The following USP20 variants were observed in gnomAD, a reference collection of about 807,000 sequenced individuals.
USP20 encodes the protein ubiquitin specific peptidase 20.
USP20 carries 80 observed loss-of-function variants against 124.2 expected under a neutral mutation model. The ratio of observed to expected loss-of-function variants is 0.64; its 90% confidence interval spans 0.54 to 0.78. The LOEUF (loss-of-function observed/expected upper bound fraction) is 0.78, where lower values mean the gene tolerates loss of function less well. Among genes scored for constraint, USP20 ranks in the 30% least tolerant of loss-of-function variants. The pLI is 0.00. For synonymous variants in USP20, 481 were observed against 512.3 expected (o/e 0.94, Z 0.83); for missense variants, 1,043 against 1,244.4 (o/e 0.84, Z 2.44).
Position 129,874,931 on chromosome 9 carries a change from C to CA in USP20, c.2024_2025insA (p.Glu676ArgfsTer169). The CA allele has an allele frequency of 6.2e-7, 1 of 1,613,976 alleles. No individual in the cohort carries two copies. Among genetic ancestry groups the CA allele is most frequent in the Non-Finnish European group, 8.5e-7 (1 of 1,180,006 alleles). On this transcript the variant is annotated frameshift_variant, in exon 19 of 26. Coordinates refer to ENST00000372429, the MANE Select transcript of USP20 (RefSeq NM_001110303.4). LOFTEE classifies it high-confidence loss of function. ...GTCCACGAGACGGTGGTGCAGAACG[C>CA]CGAGGGCTACGTACTCTTCTACAGG...
intron 8 of USP20, among the ~76,000 whole-genome samples, chr9:129,862,699 A>C (rs925315434): frequency 1.3e-5 from 2 of 152,134 alleles, no homozygotes; most frequent in Non-Finnish European, 2.9e-5. Context: ...TGAGGTCAGG[A>C]GTTCAAGACC....
chr9:129,873,668 A>AC, intron 16 of USP20, 31 bp from the exon 17 acceptor site: 2 of 1,613,672 alleles, frequency 1.2e-6, no homozygotes, highest in Non-Finnish European at 1.7e-6. Context: ...CTGATGCCGG[A>AC]CACTGATGCT....
At chr9:129,843,718 CAA>C (rs989267575) in intron 1 of USP20, among the ~76,000 whole-genome samples, 6 of 152,092 alleles carry the variant, frequency 3.9e-5, no homozygotes, top group South Asian at 4.2e-4. Flanking sequence ...GCCTGGGTAA[CAA>C]GAGTGAAAAC....
chr9:129,869,041 G>A (rs1379058249), intron 12 of USP20, 39 bp downstream of exon 12: 1 of 1,574,248 alleles, frequency 6.4e-7, no homozygotes, highest in Non-Finnish European at 8.6e-7. Flanking sequence ...CTTGAGGCTG[G>A]GAGTACAGAT....
At chr9:129,866,248 C>T (rs1226318614) in intron 10 of USP20, among the ~76,000 whole-genome samples, 1 of 152,152 alleles carries the variant, frequency 6.6e-6, no homozygotes, top group African/African-American at 2.4e-5. Context: ...CCTGCTGTCC[C>T]GTCCCAGGAT....
chr9:129,849,502 T>C (rs1414687022), intron 1 of USP20, among the ~76,000 whole-genome samples: 1 of 152,206 alleles, frequency 6.6e-6, no homozygotes, highest in Non-Finnish European at 1.5e-5. Flanking sequence ...CTCACGCCTA[T>C]AATCTCAGCA....
At chr9:129,871,841 C>T (rs4837421) in intron 15 of USP20, among the ~76,000 whole-genome samples, 129,234 of 151,660 alleles carry the variant, frequency 0.85, 55,914 homozygotes, top group East Asian at 1. Context: ...CTCAGCCTCC[C>T]GAGTAGCTGG....
chr9:129,874,887 T>A lies in USP20; in HGVS notation c.1980T>A (p.Asp660Glu). Residue 660 changes from aspartate (D) to glutamate (E), a missense_variant, in exon 19 of 26, where the codon GAT (aspartate) becomes GAA (glutamate). By Grantham distance (45) the Asp-to-Glu change is conservative. Transcript: ENST00000372429. ...TCAATGGGCAGTGGTACGAGTTTGA[T>A]GACCAGTACGTCACAGAAGTCCACG... ...NVINGQWYEF[D>E]DQYVTEVHET... 5 of 1,614,132 alleles carry A rather than the reference T, an allele frequency of 3.1e-6. No individual in the cohort carries two copies. The highest frequency in any genetic ancestry group is 4.2e-6 in the Non-Finnish European group (5 of 1,180,032).
chr9:129,868,947 C>A lies in USP20; in HGVS notation c.1221C>A (p.Ser407Arg), dbSNP rs1229829973. The change falls in exon 12 of 26, where the codon AGC becomes AGA. Residue 407 changes from serine (S) to arginine (R), a missense_variant. By Grantham distance (110) the Ser-to-Arg change is moderately radical (BLOSUM62 -1). Coordinates refer to ENST00000372429, the MANE Select transcript of USP20 (RefSeq NM_001110303.4). Reference sequence around the variant, plus strand: ...ACGAGGGCCATGCCAAGCTGTCTAGCAGCCCCCCTCGTGCAAGCCCCGTGA... The same window carrying A: ...ACGAGGGCCATGCCAAGCTGTCTAGAAGCCCCCCTCGTGCAAGCCCCGTGA... ...HHHEGHAKLS[S>R]SPPRASPVRM... The A allele has an allele frequency of 6.2e-7, 1 of 1,612,878 alleles. No homozygotes were observed. Among genetic ancestry groups the A allele is most frequent in the South Asian group, 1.1e-5 (1 of 90,928 alleles).
intron 6 of USP20, among the ~76,000 whole-genome samples, chr9:129,859,176 C>T (rs888974790): frequency 1.3e-5 from 2 of 150,252 alleles, no homozygotes; most frequent in Non-Finnish European, 3.0e-5. Context: ...AGGGAATGGT[C>T]AGTAATCCTG....
rs34045747 is a variant in USP20, at chr9:129,864,104, C to CAA, written c.611+817_611+818dup. Among the ~76,000 whole-genome samples, 1,872 of 136,456 alleles carry CAA rather than the reference C, an allele frequency of 0.014. 57 individuals are homozygous for CAA. The East Asian group carries it at 0.14, about 10-fold the overall frequency. The allele number at this position is 136,456 out of a possible 152,430, so 89.5% of individuals were successfully genotyped here. On this transcript the variant is annotated intron_variant, in intron 9 of 25. Coordinates refer to ENST00000372429, the MANE Select transcript of USP20 (RefSeq NM_001110303.4). Reference sequence around the variant, plus strand: ...CTGTTGACAAAGCGAGACTCTGTCTCAAAAAAAAAAAAACAAAAACAAAAC... The same window carrying CAA: ...CTGTTGACAAAGCGAGACTCTGTCTCAAAAAAAAAAAAAAACAAAAACAAAAC...
chr9:129,867,612 C>T (rs917168213), intron 10 of USP20, among the ~76,000 whole-genome samples: 1 of 152,168 alleles, frequency 6.6e-6, no homozygotes, highest in Non-Finnish European at 1.5e-5. Context: ...CTGCCCACCT[C>T]CACTGGTCTC....
chr9:129,861,843 G>C (rs773783477), intron 8 of USP20, among the ~76,000 whole-genome samples: 5 of 152,178 alleles, frequency 3.3e-5, no homozygotes, highest in Non-Finnish European at 5.9e-5. Flanking sequence ...TCAGTGCTCT[G>C]TTGTTTACTG....
chr9:129,873,147 G>T (rs1262282739), intron 15 of USP20, among the ~76,000 whole-genome samples: 6 of 130,966 alleles, frequency 4.6e-5, no homozygotes, highest in Admixed American at 9.1e-5. Flanking sequence ...AGTGGCATCA[G>T]CTCACTGCAG....
Position 129,846,255 on chromosome 9 carries a change from T to A in USP20, c.-128-3558T>A, listed in dbSNP as rs1440784007. 2.3e-3 allele frequency among the ~76,000 whole-genome samples: 266 copies of A among 115,702 alleles called. 1 individual carries two copies. The highest frequency in any genetic ancestry group is 7.9e-3 in the African/African-American group (241 of 30,614). The allele number at this position is 115,702 out of a possible 152,430, so 75.9% of individuals were successfully genotyped here. ...TATATATATATATATATATTTTTTTTTTTTTTTTTTTTTTTTTTGAGATAG... is the reference window on the plus strand; with the variant it reads ...TATATATATATATATATATTTTTTTATTTTTTTTTTTTTTTTTTGAGATAG... On this transcript the variant is annotated intron_variant, in intron 1 of 25. Coordinates refer to ENST00000372429, the MANE Select transcript of USP20 (RefSeq NM_001110303.4).
chr9:129,855,145 CAGTG>C, intron 3 of USP20, among the ~76,000 whole-genome samples: 1 of 152,292 alleles, frequency 6.6e-6, no homozygotes, highest in African/African-American at 2.4e-5. Flanking sequence ...GTAAAGAACT[CAGTG>C]GGCTGGGCAC....
At chr9:129,869,597 C>T (rs2034013876) in intron 13 of USP20, 75 bp from the exon 14 acceptor site, 1 of 1,588,702 alleles carries the variant, frequency 6.3e-7, no homozygotes, top group Non-Finnish European at 8.6e-7. Flanking sequence ...TCCCTCTGCC[C>T]CTCACCTGCT....
rs1191432237 is a variant in USP20 at position 129,881,823 on chromosome 9, A to C, written c.*1373A>C. ...AAAATGTCAGAATAAACACAGAATA[A>C]ATGTTCCCACGGCCACACAGTCGTC... On this transcript the variant is annotated 3_prime_UTR_variant, in exon 26 of 26. Coordinates refer to ENST00000372429, the MANE Select transcript of USP20 (RefSeq NM_001110303.4). 1 of 152,276 alleles carries C rather than the reference A, an allele frequency of 6.6e-6. No homozygotes were observed. The highest frequency in any genetic ancestry group is 2.4e-5 in the African/African-American group (1 of 41,476). 9.4% of individuals were successfully genotyped at this position (152,276 alleles called of 1,614,324 possible).
chr9:129,847,542 C>T (rs1245058748), intron 1 of USP20, among the ~76,000 whole-genome samples: 1 of 152,062 alleles, frequency 6.6e-6, no homozygotes, highest in Non-Finnish European at 1.5e-5. Flanking sequence ...ATCTCATGAT[C>T]CGCCCGCCTC....
Sources: allele counts gnomAD v4.1 joint callset (sites outside exome capture counted in the v4.1 genomes callset), GRCh38; gene constraint gnomAD v4.1.1; transcripts MANE v1.5; gene names NCBI Gene and HGNC (gene_info 2026-07-23, HGNC 2026-07-21).